Variants in GPC6 observed in about 807,000 individuals in gnomAD.
GPC6 encodes the protein glypican-6.
Under a neutral mutation model 55.2 loss-of-function variants are expected in GPC6, and 14 were observed. The ratio of observed to expected loss-of-function variants is 0.25; its 90% CI spans 0.17 to 0.40. The LOEUF is 0.40. Among genes scored for constraint, GPC6 ranks in the 10% least tolerant of loss-of-function variants. The pLI is 1.00. For synonymous variants in GPC6, 278 were observed against 259.6 expected (o/e 1.07, Z -0.68); for missense variants, 641 against 708.5 (o/e 0.90, Z 1.08).
chr13:93,381,991 C>A (rs1875195102), intron 1 of GPC6, among the ~76,000 whole-genome samples: 1 of 151,942 alleles, frequency 6.6e-6, no homozygotes, highest in Non-Finnish European at 1.5e-5. Context: ...GAACAAAAGC[C>A]TATGTCCAAT....
chr13:94,244,738 T>A (rs1450407598), intron 4 of GPC6, among the ~76,000 whole-genome samples: 1 of 152,054 alleles, frequency 6.6e-6, no homozygotes, highest in Non-Finnish European at 1.5e-5. Flanking sequence ...AGTAGCCATG[T>A]GATTTTTTTT....
chr13:93,437,517 A>T (rs72640517), intron 1 of GPC6, among the ~76,000 whole-genome samples: 4 of 152,274 alleles, frequency 2.6e-5, no homozygotes, highest in Admixed American at 2.0e-4. Flanking sequence ...AGAAGGTTTC[A>T]GTGGTCTGGA....
Position 93,833,125 on chromosome 13 carries a change from G to T in GPC6, c.711+2580G>T, listed in dbSNP as rs1403146874. Among the ~76,000 whole-genome samples the T allele has an allele frequency of 8.1e-3, 1,088 of 133,978 alleles. 21 individuals are homozygous for T. Among genetic ancestry groups the T allele is most frequent in the African/African-American group, 0.028 (1,019 of 36,992 alleles). The allele number at this position is 133,978 out of a possible 152,430, so 87.9% of individuals were successfully genotyped here. On this transcript the variant is annotated intron_variant, in intron 3 of 8. Coordinates refer to ENST00000377047, the MANE Select transcript of GPC6 (RefSeq NM_005708.5). ...TAGATGATAGAGAGAGAGAGAGAGA[G>T]AGAGAGAGAGAGAGAGAGAGAGAGA...
intron 4 of GPC6, among the ~76,000 whole-genome samples, chr13:94,237,983 A>C (rs921914246): frequency 6.6e-6 from 1 of 152,182 alleles, no homozygotes; most frequent in Non-Finnish European, 1.5e-5. Flanking sequence ...GATGAAGAGA[A>C]GTGAACAGAT....
intron 2 of GPC6, among the ~76,000 whole-genome samples, chr13:93,646,801 T>A (rs536161268): frequency 6.6e-6 from 1 of 152,002 alleles, no homozygotes; most frequent in East Asian, 1.9e-4. Context: ...TGTATCATGA[T>A]GTCTGTGGTG....
intron 6 of GPC6, among the ~76,000 whole-genome samples, chr13:94,322,265 C>T (rs1181021573): frequency 6.6e-6 from 1 of 152,198 alleles, no homozygotes; most frequent in Non-Finnish European, 1.5e-5. Flanking sequence ...TCACCTTCCA[C>T]CATGATTGTG....
chr13:94,119,301 G>C (rs1381572553), intron 4 of GPC6, among the ~76,000 whole-genome samples: 1 of 152,044 alleles, frequency 6.6e-6, no homozygotes, highest in African/African-American at 2.4e-5. Flanking sequence ...ATGTCAGTTG[G>C]TGATAAGTGC....
At chr13:94,048,511 A>G (rs968001905) in intron 4 of GPC6, among the ~76,000 whole-genome samples, 4 of 152,020 alleles carry the variant, frequency 2.6e-5, no homozygotes, top group Non-Finnish European at 4.4e-5. Context: ...CTTGCTGTGA[A>G]ATATTCACCC....
At chr13:93,432,040 C>T (rs16948803) in intron 1 of GPC6, among the ~76,000 whole-genome samples, 37,181 of 152,004 alleles carry the variant, frequency 0.24, 4,520 homozygotes, top group Middle Eastern at 0.29. Flanking sequence ...AATCTACATA[C>T]GTCACCAGAT....
At chr13:94,395,329 C>T (rs868146606) in intron 7 of GPC6, among the ~76,000 whole-genome samples, 10 of 152,136 alleles carry the variant, frequency 6.6e-5, no homozygotes, top group South Asian at 6.2e-4. Context: ...TATGAGTCCA[C>T]GGCTTTTAAA....
rs1439738871 is a variant in GPC6, at chr13:94,197,860, C to T, written c.878-88489C>T. 4.0e-5 allele frequency among the ~76,000 whole-genome samples: 6 copies of T among 150,866 alleles called. 1 individual carries two copies. Among genetic ancestry groups the T allele is most frequent in the Admixed American group, 4.0e-4 (6 of 15,136 alleles). On this transcript the variant is annotated intron_variant, in intron 4 of 8. Transcript: ENST00000377047. ...TAAACAATTTTACCAAGAAACGTAA[C>T]ACTTTAGCAGTGTTAAAAAAAGCTC... is the stretch of plus-strand genomic sequence containing the variant.
intron 4 of GPC6, among the ~76,000 whole-genome samples, chr13:94,028,175 G>C (rs1402831246): frequency 2.6e-5 from 4 of 152,032 alleles, no homozygotes; most frequent in African/African-American, 9.7e-5. Flanking sequence ...CGAGGTGAGA[G>C]GATTGCTTGA....
At chr13:94,219,302 A>T (rs1189094164) in intron 4 of GPC6, among the ~76,000 whole-genome samples, 1 of 152,166 alleles carries the variant, frequency 6.6e-6, no homozygotes, top group Non-Finnish European at 1.5e-5. Context: ...CTTCCTGACT[A>T]TCAAGGGCCT....
rs75626893 is a variant in GPC6, at chr13:94,017,258, T to C, written c.712-10471T>C. 1.2e-4 allele frequency among the ~76,000 whole-genome samples: 18 copies of C among 152,354 alleles called. No individual in the cohort carries two copies. In the East Asian group the frequency reaches 3.5e-3, roughly 29 times the overall value. On this transcript the variant is annotated intron_variant, in intron 3 of 8. Transcript: ENST00000377047. ...ATTTATTAGCTCCAGAAGGTTTTTT[T>C]ATGGATTCTTTGGGATTTCCTATAT...
rs145615596 is a variant in GPC6, at chr13:93,285,153, T to C, written c.160+57537T>C. Among the ~76,000 whole-genome samples the C allele has an allele frequency of 7.9e-4, 121 of 152,262 alleles. 1 individual carries two copies. The highest frequency in any genetic ancestry group is 2.6e-3 in the African/African-American group (108 of 41,554). On this transcript the variant is annotated intron_variant, in intron 1 of 8. Coordinates refer to ENST00000377047, the MANE Select transcript of GPC6 (RefSeq NM_005708.5). ...TCCAGTGAGTTCCGGTGAGTTCTGT[T>C]ATGCACGTTAGTCTTTATCCCTGCA...
At chr13:94,344,776 CTAAT>C (rs1878205632) in intron 6 of GPC6, among the ~76,000 whole-genome samples, 1 of 152,226 alleles carries the variant, frequency 6.6e-6, no homozygotes, top group Admixed American at 6.5e-5. Flanking sequence ...TGCTTTGTCA[CTAAT>C]AGGCAACTCT....
intron 4 of GPC6, among the ~76,000 whole-genome samples, chr13:94,047,828 G>T (rs368649127): frequency 1.3e-4 from 19 of 151,974 alleles, no homozygotes; most frequent in African/African-American, 4.4e-4. Context: ...CAACTGCTGT[G>T]GAAACTAACC....
At chr13:93,759,135 T>C (rs753241483) in intron 2 of GPC6, among the ~76,000 whole-genome samples, 1 of 152,180 alleles carries the variant, frequency 6.6e-6, no homozygotes, top group Non-Finnish European at 1.5e-5. Context: ...AGAGGCAATG[T>C]CATCCTTTTT....
intron 1 of GPC6, among the ~76,000 whole-genome samples, chr13:93,431,649 G>A (rs1877362917): frequency 6.6e-6 from 1 of 151,972 alleles, no homozygotes; most frequent in African/African-American, 2.4e-5. Flanking sequence ...TCTTACATAT[G>A]ACATATGAAA....
Sources: gnomAD v4.1 joint callset for allele counts (sites outside exome capture counted in the v4.1 genomes callset) on GRCh38, gnomAD v4.1.1 for gene constraint, MANE v1.5 for transcripts, NCBI Gene and HGNC (gene_info 2026-07-23, HGNC 2026-07-21) for gene names.